The following KCNIP4 variants were observed in gnomAD, a reference collection of about 807,000 sequenced individuals.
KCNIP4 encodes Kv channel-interacting protein 4.
A neutral mutation model predicts 34.0 loss-of-function variants in KCNIP4; 12 were observed. The observed-to-expected ratio is 0.35, with a 90% CI of 0.23 to 0.57. KCNIP4 has a LOEUF of 0.57. Ranked by LOEUF, KCNIP4 falls within the 20% of genes least tolerant of loss-of-function variation. The pLI, the probability that KCNIP4 is intolerant of heterozygous loss-of-function variation, is 0.83. For synonymous variants in KCNIP4, 124 were observed against 102.2 expected (o/e 1.21, Z -1.29); for missense variants, 238 against 311.7 (o/e 0.76, Z 1.78).
At chr4:21,559,540 GGTGAATTTT>G (rs1739351840) in intron 1 of KCNIP4, among the ~76,000 whole-genome samples, 1 of 152,042 alleles carries the variant, frequency 6.6e-6, no homozygotes, top group South Asian at 2.1e-4. Flanking sequence ...GGACACACAT[GGTGAATTTT>G]GTGCTATAAC....
At position 20,941,603 on chromosome 4, in the gene KCNIP4, C is replaced by T. The variant is rs369026779; in HGVS notation, c.62-58894G>A. 1.5e-4 allele frequency among the ~76,000 whole-genome samples: 23 copies of T among 152,214 alleles called. 2 individuals carry two copies. Among genetic ancestry groups the T allele is most frequent in the South Asian group, 1.0e-3 (5 of 4,834 alleles). On this transcript the variant is annotated intron_variant, in intron 1 of 8. Coordinates refer to ENST00000382152, the MANE Select transcript of KCNIP4 (RefSeq NM_025221.6). ...GCTTATGAACCTGGTAAATTTAAGACGGCAAACAACAAAATGCTACTGCTA... is the reference window on the plus strand; with the variant it reads ...GCTTATGAACCTGGTAAATTTAAGATGGCAAACAACAAAATGCTACTGCTA...
At chr4:21,307,411 T>C (rs1330666200) in intron 1 of KCNIP4, among the ~76,000 whole-genome samples, 1 of 152,138 alleles carries the variant, frequency 6.6e-6, no homozygotes, top group African/African-American at 2.4e-5. Flanking sequence ...AAAACCTCCC[T>C]CACCTGGCCC....
chr4:21,618,694 G>A (rs1233049001), intron 1 of KCNIP4, among the ~76,000 whole-genome samples: 6 of 134,952 alleles, frequency 4.4e-5, no homozygotes, highest in Admixed American at 2.5e-4. Flanking sequence ...GTGCAGTGGC[G>A]TGATCTTGGC....
intron 1 of KCNIP4, chr4:21,304,030 T>TGAGA (rs770366497): frequency 0.036 from 10,471 of 288,106 alleles, 1,325 homozygotes; most frequent in East Asian, 0.048. Context: ...GGAGAGCGTA[T>TGAGA]GAGAGAGAGA....
At chr4:21,846,376 T>C (rs993424323) in intron 1 of KCNIP4, 1 of 152,068 alleles carries the variant, frequency 6.6e-6, no homozygotes, top group Non-Finnish European at 1.5e-5. Context: ...AGATAGAGAA[T>C]GACTAGAGTT....
At chr4:21,381,214 G>A (rs1280966913) in intron 1 of KCNIP4, among the ~76,000 whole-genome samples, 1 of 152,148 alleles carries the variant, frequency 6.6e-6, no homozygotes, top group Non-Finnish European at 1.5e-5. Flanking sequence ...ACTCAGTTTT[G>A]AACAATGATT....
At chr4:21,181,835 G>A (rs187886214) in intron 1 of KCNIP4, among the ~76,000 whole-genome samples, 114 of 152,160 alleles carry the variant, frequency 7.5e-4, no homozygotes, top group African/African-American at 1.9e-3. Flanking sequence ...ATTTATCAAA[G>A]AGTAAAATTT....
At chr4:21,930,296 C>A (rs1466548544) in intron 1 of KCNIP4, among the ~76,000 whole-genome samples, 1 of 152,102 alleles carries the variant, frequency 6.6e-6, no homozygotes, top group African/African-American at 2.4e-5. Context: ...CTCTTGAATG[C>A]AACACCTCTT....
At chr4:21,483,334 TG>T (rs1731607124) in intron 1 of KCNIP4, among the ~76,000 whole-genome samples, 1 of 152,140 alleles carries the variant, frequency 6.6e-6, no homozygotes, top group Non-Finnish European at 1.5e-5. Flanking sequence ...TAATATGGTT[TG>T]GATCTGTGTT....
intron 1 of KCNIP4, among the ~76,000 whole-genome samples, chr4:21,394,165 G>A: frequency 6.6e-6 from 1 of 152,140 alleles, no homozygotes; most frequent in Non-Finnish European, 1.5e-5. Context: ...AACACTGCAT[G>A]GTTCCATAAT....
chr4:21,114,707 C>T (rs1346778742), intron 1 of KCNIP4, among the ~76,000 whole-genome samples: 3 of 152,190 alleles, frequency 2.0e-5, no homozygotes, highest in African/African-American at 7.2e-5. Context: ...ATAACCACAT[C>T]ACAATACTTT....
chr4:21,135,015 C>G (rs1406616739), intron 1 of KCNIP4, among the ~76,000 whole-genome samples: 1 of 152,216 alleles, frequency 6.6e-6, no homozygotes, highest in Non-Finnish European at 1.5e-5. Context: ...TAGAACATGA[C>G]AATCTAGCTA....
intron 1 of KCNIP4, among the ~76,000 whole-genome samples, chr4:21,586,332 G>T (rs182075747): frequency 6.6e-6 from 1 of 152,128 alleles, no homozygotes; most frequent in African/African-American, 2.4e-5. Flanking sequence ...CTGGCTCATT[G>T]TAGGTGCTCA....
At chr4:21,642,242 A>G (rs1283110992) in intron 1 of KCNIP4, among the ~76,000 whole-genome samples, 1 of 152,170 alleles carries the variant, frequency 6.6e-6, no homozygotes, top group Non-Finnish European at 1.5e-5. Context: ...CTGGTTTGAC[A>G]GAAGAGTGGA....
At chr4:21,432,223 A>G (rs1203709600) in intron 1 of KCNIP4, among the ~76,000 whole-genome samples, 1 of 148,494 alleles carries the variant, frequency 6.7e-6, no homozygotes, top group African/African-American at 2.5e-5. Context: ...ACATTATTCC[A>G]TGTGAAACTG....
At chr4:20,755,244 C>T (rs758328589) in intron 4 of KCNIP4, among the ~76,000 whole-genome samples, 4 of 151,994 alleles carry the variant, frequency 2.6e-5, no homozygotes, top group Non-Finnish European at 5.9e-5. Context: ...AAAAGTCCAC[C>T]GAAAACAAAA....
At chr4:21,336,089 A>G (rs1421713268) in intron 1 of KCNIP4, among the ~76,000 whole-genome samples, 11 of 152,178 alleles carry the variant, frequency 7.2e-5, no homozygotes, top group Non-Finnish European at 4.4e-5. Flanking sequence ...TCAAAATGGT[A>G]TCAAACTATA....
chr4:21,562,896 A>C (rs1430762064), intron 1 of KCNIP4, among the ~76,000 whole-genome samples: 2 of 152,034 alleles, frequency 1.3e-5, no homozygotes, highest in Non-Finnish European at 2.9e-5. Flanking sequence ...TCCACCTCTC[A>C]ACACTCGCGT....
intron 1 of KCNIP4, among the ~76,000 whole-genome samples, chr4:21,420,106 T>C (rs2109622493): frequency 6.6e-6 from 1 of 152,326 alleles, no homozygotes; most frequent in Non-Finnish European, 1.5e-5. Flanking sequence ...AGACAGACAC[T>C]GTATACCTAC....
Sources: gnomAD v4.1 joint callset for allele counts (sites outside exome capture counted in the v4.1 genomes callset) on GRCh38, gnomAD v4.1.1 for gene constraint, MANE v1.5 for transcripts, NCBI Gene and HGNC (gene_info 2026-07-23, HGNC 2026-07-21) for gene names.